SUGT1: variants seen among roughly 807,000 people sequenced by gnomAD.
The protein encoded by SUGT1 is SGT1 assembly cochaperone of MIS12 kinetochore complex.
In SUGT1, 15 loss-of-function variants were observed where a neutral mutation model predicts 56.1. The observed-to-expected ratio is 0.27, with a 90% confidence interval of 0.18 to 0.41. The LOEUF (loss-of-function observed/expected upper bound fraction) is 0.41, where lower values mean the gene tolerates loss of function less well. SUGT1 is among the 10% of genes least tolerant of loss of function. The probability of loss-of-function intolerance (pLI) is 1.00; values close to 1 mark genes in which losing one functional copy is unlikely to be tolerated. For synonymous variants in SUGT1, 123 were observed against 128.6 expected, an observed-to-expected ratio of 0.96 and a Z score of 0.30; for missense variants, 347 against 382.2, an observed-to-expected ratio of 0.91 and a Z score of 0.77.
chr13:52,653,250 C>T (rs1266582313), intron 2 of SUGT1, 147 bp downstream of exon 2: 15 of 1,001,404 alleles, frequency 1.5e-5, no homozygotes, highest in Admixed American at 2.4e-5. Context: ...TTGAGATTCT[C>T]CGTCTCTTTT....
intron 12 of SUGT1, among the ~76,000 whole-genome samples, chr13:52,683,494 T>A (rs1268956414): frequency 6.6e-6 from 1 of 152,202 alleles, no homozygotes; most frequent in Non-Finnish European, 1.5e-5. Flanking sequence ...CTTAATTCTA[T>A]CTTCTAATGT....
chr13:52,662,609 G>T, intron 5 of SUGT1, 40 bp from the exon 6 acceptor site: 1 of 1,600,742 alleles, frequency 6.2e-7, no homozygotes, highest in Non-Finnish European at 8.6e-7. Flanking sequence ...TTTATAGGTT[G>T]TGCAGATGAG....
At chr13:52,653,699 A>T (rs9536220) in intron 2 of SUGT1, among the ~76,000 whole-genome samples, 42,672 of 152,166 alleles carry the variant, frequency 0.28, 6,492 homozygotes, top group Middle Eastern at 0.36. Flanking sequence ...TAGGTGTGCA[A>T]TGAAGGCAAA....
intron 11 of SUGT1, 105 bp from the exon 12 acceptor site, chr13:52,679,869 A>G (rs1322417834): frequency 1.8e-6 from 2 of 1,139,958 alleles, no homozygotes; most frequent in Non-Finnish European, 2.4e-6. Flanking sequence ...TCAGTAACCT[A>G]AACTGTTTGC....
rs7330755 is a variant in SUGT1 at position 52,690,322 on chromosome 13, A to G, written c.*2487A>G. 0.96 allele frequency: 145,652 copies of G among 152,246 alleles called. 69,692 individuals are homozygous for G. The highest frequency in any genetic ancestry group is 0.99 in the East Asian group (5,138 of 5,182). 9.4% of individuals were successfully genotyped at this position (152,246 alleles called of 1,614,324 possible). A position where few individuals can be genotyped will look rare whatever the true frequency, so the allele number is the denominator to read the frequency against. On this transcript the variant is annotated 3_prime_UTR_variant, in exon 13 of 13. Coordinates refer to ENST00000310528, the MANE Select transcript of SUGT1 (RefSeq NM_006704.5). ...TTCTGATTAAGAGCCTCTTAACTCT[A>G]TCCTTATCCTCTGCTATCTCAATGT...
chr13:52,697,745 G>A lies in SUGT1; in HGVS notation c.*9910G>A, dbSNP rs540149545. 1.3e-5 allele frequency: 2 copies of A among 152,240 alleles called. No individual in the cohort carries two copies. The allele number at this position is 152,240 out of a possible 1,614,324, so 9.4% of individuals were successfully genotyped here. Reference sequence around the variant, plus strand: ...TAAGGTATGTAGTAGAATAATATAGGTATCTGAAAAAGAACTTGGTTCATG... The same window carrying A: ...TAAGGTATGTAGTAGAATAATATAGATATCTGAAAAAGAACTTGGTTCATG... On this transcript the variant is annotated 3_prime_UTR_variant, in exon 13 of 13. Coordinates refer to ENST00000310528, the MANE Select transcript of SUGT1 (RefSeq NM_006704.5).
At chr13:52,671,545 T>A (rs1294098009) in intron 10 of SUGT1, among the ~76,000 whole-genome samples, 1 of 152,198 alleles carries the variant, frequency 6.6e-6, no homozygotes, top group East Asian at 1.9e-4. Flanking sequence ...AGTTACTGCA[T>A]GGTGTAGGTA....
intron 8 of SUGT1, among the ~76,000 whole-genome samples, chr13:52,664,729 A>G (rs966557553): frequency 2.6e-5 from 4 of 152,220 alleles, no homozygotes; most frequent in Non-Finnish European, 4.4e-5. Context: ...GGGGAGATAC[A>G]GGATGAAACT....
In SUGT1 at chr13:52,699,886, T is replaced by C. The variant is rs1387488354; in HGVS notation, c.*12051T>C. ...AAATGCAATGCTAGTAAAAAGTATA[T>C]AGAGGTATGTCTTTCACACTATCTT... On this transcript the variant is annotated 3_prime_UTR_variant, in exon 13 of 13. Coordinates refer to ENST00000310528, the MANE Select transcript of SUGT1 (RefSeq NM_006704.5). 2.0e-5 allele frequency: 3 copies of C among 152,156 alleles called. No homozygotes were observed. The highest frequency in any genetic ancestry group is 4.4e-5 in the Non-Finnish European group (3 of 68,016). 9.4% of individuals were successfully genotyped at this position (152,156 alleles called of 1,614,324 possible). A position where few individuals can be genotyped will look rare whatever the true frequency, so the allele number is the denominator to read the frequency against.
Position 52,676,217 on chromosome 13 carries a change from G to T in SUGT1, c.628-13G>T. 2 of 1,601,842 alleles carry T rather than the reference G, an allele frequency of 1.2e-6. No individual in the cohort carries two copies. The highest frequency in any genetic ancestry group is 2.3e-5 in the South Asian group (2 of 88,610). On this transcript the variant is annotated splice_polypyrimidine_tract_variant and intron_variant, in intron 10 of 12. Coordinates refer to ENST00000310528, the MANE Select transcript of SUGT1 (RefSeq NM_006704.5). ...TACGTCGAGTAATGGAGTTTATTTGGTGTTTCCTCCAGATTGAAATTAAAC... is the reference window on the plus strand; with the variant it reads ...TACGTCGAGTAATGGAGTTTATTTGTTGTTTCCTCCAGATTGAAATTAAAC...
rs1684959883 is a variant in SUGT1, at chr13:52,694,259, G to T, written c.*6424G>T. On this transcript the variant is annotated 3_prime_UTR_variant, in exon 13 of 13. Transcript: ENST00000310528. ...AACATCAGATGATCCTAGGCTGGAAGGTGGAAATCCTAGAGAAGATTTTTT... is the reference window on the plus strand; with the variant it reads ...AACATCAGATGATCCTAGGCTGGAATGTGGAAATCCTAGAGAAGATTTTTT... 6.6e-6 allele frequency: 1 copy of T among 152,190 alleles called. No homozygotes were observed. Among genetic ancestry groups the T allele is most frequent in the African/African-American group, 2.4e-5 (1 of 41,448 alleles). 9.4% of individuals were successfully genotyped at this position (152,190 alleles called of 1,614,324 possible).
chr13:52,652,900 C>T lies in SUGT1; in HGVS notation c.-21C>T. The T allele has an allele frequency of 6.8e-6, 11 of 1,612,312 alleles. No homozygotes were observed. Among genetic ancestry groups the T allele is most frequent in the Non-Finnish European group, 9.3e-6 (11 of 1,179,050 alleles). On this transcript the variant is annotated 5_prime_UTR_variant, in exon 1 of 13. Coordinates refer to ENST00000310528, the MANE Select transcript of SUGT1 (RefSeq NM_006704.5). Reference sequence around the variant, plus strand: ...ACCGTGATAGTAGCAGCTCCGGCGGCAGCAACAGCGACTACGAGGGATGGC... The same window carrying T: ...ACCGTGATAGTAGCAGCTCCGGCGGTAGCAACAGCGACTACGAGGGATGGC...
rs1041870968 is a variant in SUGT1 at position 52,689,280 on chromosome 13, C to T, written c.*1445C>T. ...TCTGTCCACTTAGAGCTACTAGATA[C>T]ATTTTTTTCTTCTTGAACACTGAAG... On this transcript the variant is annotated 3_prime_UTR_variant, in exon 13 of 13. Coordinates refer to ENST00000310528, the MANE Select transcript of SUGT1 (RefSeq NM_006704.5). The T allele has an allele frequency of 6.6e-6, 1 of 152,114 alleles. No individual in the cohort carries two copies. Among genetic ancestry groups the T allele is most frequent in the Non-Finnish European group, 1.5e-5 (1 of 68,010 alleles). The allele number at this position is 152,114 out of a possible 1,614,324, so 9.4% of individuals were successfully genotyped here.
At chr13:52,660,033 GTT>G (rs1044041717) in intron 5 of SUGT1, among the ~76,000 whole-genome samples, 2 of 151,270 alleles carry the variant, frequency 1.3e-5, no homozygotes, top group African/African-American at 4.9e-5. Context: ...GTTTCACCAT[GTT>G]AGCCAGGATG....
At chr13:52,679,242 T>C (rs908312469) in intron 11 of SUGT1, among the ~76,000 whole-genome samples, 8 of 152,310 alleles carry the variant, frequency 5.3e-5, no homozygotes, top group African/African-American at 1.7e-4. Flanking sequence ...TTTGGAGCAA[T>C]CTTGGCAGTA....
At position 52,687,838 on chromosome 13, in the gene SUGT1, AAATT is replaced by A. The variant is rs1350914774; in HGVS notation, c.*8_*11del. ...ATATGGAATGGAAAAAGTACTAAAT[AAATT>A]AATTTGCTCTCATCGTATTGTGTAT... On this transcript the variant is annotated 3_prime_UTR_variant, in exon 13 of 13. Transcript: ENST00000310528. 1 of 1,582,412 alleles carries A rather than the reference AAATT, an allele frequency of 6.3e-7. No individual in the cohort carries two copies. Among genetic ancestry groups the A allele is most frequent in the African/African-American group, 1.4e-5 (1 of 73,888 alleles).
intron 10 of SUGT1, among the ~76,000 whole-genome samples, chr13:52,673,553 A>G (rs1389075551): frequency 1.3e-5 from 2 of 152,236 alleles, no homozygotes; most frequent in Non-Finnish European, 2.9e-5. Flanking sequence ...CTTTTGCTTT[A>G]TAAAGTCCTC....
rs1964042295 is a variant in SUGT1 at position 52,700,207 on chromosome 13, TAAC to T, written c.*12374_*12376del. 1 of 152,168 alleles carries T rather than the reference TAAC, an allele frequency of 6.6e-6. No individual in the cohort carries two copies. Among genetic ancestry groups the T allele is most frequent in the Non-Finnish European group, 1.5e-5 (1 of 68,026 alleles). 9.4% of individuals were successfully genotyped at this position (152,168 alleles called of 1,614,324 possible). On this transcript the variant is annotated 3_prime_UTR_variant, in exon 13 of 13. Coordinates refer to ENST00000310528, the MANE Select transcript of SUGT1 (RefSeq NM_006704.5). ...ATTACTGATTTTTATTCCTCTGTGA[TAAC>T]ATACACCCAAATAAAGACTGCTATG...
At chr13:52,661,290 GTTTTT>G (rs931735203) in intron 5 of SUGT1, among the ~76,000 whole-genome samples, 17 of 146,926 alleles carry the variant, frequency 1.2e-4, no homozygotes, top group African/African-American at 3.7e-4. Flanking sequence ...GTTTTTTGGG[GTTTTT>G]TTTTGTTTTT....
Sources: gnomAD v4.1 joint callset for allele counts (sites outside exome capture counted in the v4.1 genomes callset) on GRCh38, gnomAD v4.1.1 for gene constraint, MANE v1.5 for transcripts, NCBI Gene and HGNC (gene_info 2026-07-23, HGNC 2026-07-21) for gene names.